WIPF1: variants seen among roughly 807,000 people sequenced by gnomAD.
The protein encoded by WIPF1 is WAS/WASL-interacting protein family member 1.
Under a neutral mutation model 35.4 loss-of-function variants are expected in WIPF1, and 13 were observed. The ratio of observed to expected loss-of-function variants is 0.37; its 90% CI spans 0.24 to 0.58. WIPF1 has a LOEUF of 0.58. Ranked by LOEUF, WIPF1 falls within the 20% of genes least tolerant of loss-of-function variation. The pLI is 0.74. For missense variants in WIPF1, 591 were observed against 667.0 expected, an observed-to-expected ratio of 0.89 and a Z score of 1.25; for synonymous variants, 267 against 266.3, an observed-to-expected ratio of 1.00 and a Z score of -0.02.
intron 1 of WIPF1, among the ~76,000 whole-genome samples, chr2:174,638,887 T>C (rs1687240082): frequency 6.6e-6 from 1 of 152,238 alleles, no homozygotes; most frequent in Non-Finnish European, 1.5e-5. Context: ...TCATATCCTT[T>C]GGATATATGT....
intron 2 of WIPF1, among the ~76,000 whole-genome samples, chr2:174,585,150 G>A (rs1156867447): frequency 8.5e-5 from 13 of 152,118 alleles, no homozygotes; most frequent in Admixed American, 3.9e-4. Flanking sequence ...TTTCTAGACC[G>A]TCCAGCCCAG....
chr2:174,623,886 C>T (rs1001621404), intron 1 of WIPF1, among the ~76,000 whole-genome samples: 1 of 152,054 alleles, frequency 6.6e-6, no homozygotes, highest in Non-Finnish European at 1.5e-5. Flanking sequence ...CAGAAAAAAC[C>T]CCTGTGTTAA....
chr2:174,567,034 G>C (rs1043656127), intron 7 of WIPF1, 36 bp downstream of exon 7: 2 of 1,597,118 alleles, frequency 1.3e-6, no homozygotes, highest in South Asian at 2.2e-5. Context: ...GGCTACTCAA[G>C]CGTGAATCTT....
intron 2 of WIPF1, among the ~76,000 whole-genome samples, chr2:174,581,970 T>C (rs1326624377): frequency 6.6e-6 from 1 of 152,226 alleles, no homozygotes; most frequent in Non-Finnish European, 1.5e-5. Context: ...GCTTTTTTTC[T>C]CTTTTTAAGT....
At chr2:174,624,605 T>C (rs1686773527) in intron 1 of WIPF1, among the ~76,000 whole-genome samples, 1 of 152,206 alleles carries the variant, frequency 6.6e-6, no homozygotes, top group Admixed American at 6.5e-5. Flanking sequence ...ATTCAAAATA[T>C]TTAACAACCA....
chr2:174,593,281 C>CA (rs1685684129), intron 1 of WIPF1, among the ~76,000 whole-genome samples: 1 of 151,820 alleles, frequency 6.6e-6, no homozygotes, highest in Admixed American at 6.6e-5. Context: ...AATTGTTTGA[C>CA]AAAAAAATAT....
chr2:174,662,855 G>C (rs945648614), intron 1 of WIPF1, among the ~76,000 whole-genome samples: 1 of 152,194 alleles, frequency 6.6e-6, no homozygotes, highest in Non-Finnish European at 1.5e-5. Context: ...GGAATATCCT[G>C]GGTCTATATG....
chr2:174,682,810 C>T (rs1267536995), exon 1 of WIPF1: 2 of 151,646 alleles, frequency 1.3e-5, no homozygotes, highest in Non-Finnish European at 1.5e-5. Flanking sequence ...AGCCCCGCGC[C>T]GCGCTGGGCA....
chr2:174,666,905 G>T (rs1433830895), intron 1 of WIPF1, among the ~76,000 whole-genome samples: 2 of 152,194 alleles, frequency 1.3e-5, no homozygotes, highest in Non-Finnish European at 2.9e-5. Context: ...TTCTAGAAGG[G>T]TCCAGGCTCA....
chr2:174,567,769 G>T, intron 6 of WIPF1, 92 bp downstream of exon 6: 1 of 1,381,244 alleles, frequency 7.2e-7, no homozygotes, highest in South Asian at 1.4e-5. Flanking sequence ...GATGGAACAA[G>T]AAATTAAACG....
chr2:174,666,623 C>A (rs1234584279), intron 1 of WIPF1, among the ~76,000 whole-genome samples: 2 of 152,234 alleles, frequency 1.3e-5, no homozygotes, highest in Non-Finnish European at 2.9e-5. Context: ...CAGTGCCTGG[C>A]CTACCTGCCA....
At chr2:174,661,543 C>T (rs1421627373) in intron 1 of WIPF1, among the ~76,000 whole-genome samples, 1 of 152,190 alleles carries the variant, frequency 6.6e-6, no homozygotes, top group African/African-American at 2.4e-5. Context: ...TCTAGAAGCA[C>T]TGCCCTCCCT....
intron 1 of WIPF1, among the ~76,000 whole-genome samples, chr2:174,648,036 C>T (rs1363906358): frequency 6.6e-6 from 1 of 152,184 alleles, no homozygotes; most frequent in East Asian, 1.9e-4. Flanking sequence ...AACATCAAAT[C>T]CAACCGTGTG....
chr2:174,670,864 G>C (rs1203090740), intron 1 of WIPF1, among the ~76,000 whole-genome samples: 1 of 146,000 alleles, frequency 6.8e-6, no homozygotes, highest in Non-Finnish European at 1.5e-5. Flanking sequence ...ACAGTCACCT[G>C]GTTAGGCATA....
At chr2:174,572,596 G>C in intron 4 of WIPF1, 150 bp from the exon 5 acceptor site, 2 of 1,128,104 alleles carry the variant, frequency 1.8e-6, no homozygotes, top group Non-Finnish European at 2.4e-6. Flanking sequence ...GGTTTTGTTG[G>C]TCCTTCTTGG....
At position 174,568,079 on chromosome 2, in the gene WIPF1, G is replaced by A. The variant is rs371524394; in HGVS notation, c.1130-6C>T. ...AGGAGGTGGTGGGAGGGGGCCTGGA[G>A]CAAAAAAAGACACTTAGTGCAGAAC... On this transcript the variant is annotated splice_region_variant and splice_polypyrimidine_tract_variant and intron_variant, in intron 5 of 7. Coordinates refer to ENST00000679041, the MANE Select transcript of WIPF1 (RefSeq NM_001375834.1). The A allele has an allele frequency of 3.1e-6, 5 of 1,607,222 alleles. No homozygotes were observed. Among genetic ancestry groups the A allele is most frequent in the Admixed American group, 1.7e-5 (1 of 59,010 alleles).
chr2:174,624,002 C>G (rs1686750572), intron 1 of WIPF1, among the ~76,000 whole-genome samples: 1 of 151,916 alleles, frequency 6.6e-6, no homozygotes, highest in Non-Finnish European at 1.5e-5. Flanking sequence ...TGGGCATTTA[C>G]TGTGTTTGTG....
At chr2:174,681,587 C>G (rs1688245818) in intron 1 of WIPF1, among the ~76,000 whole-genome samples, 1 of 152,162 alleles carries the variant, frequency 6.6e-6, no homozygotes, top group East Asian at 1.9e-4. Context: ...CTTTGGGAAG[C>G]TGGCAAAAGA....
chr2:174,617,884 A>G (rs1228719204), intron 1 of WIPF1, among the ~76,000 whole-genome samples: 1 of 152,238 alleles, frequency 6.6e-6, no homozygotes. Flanking sequence ...CCTGATGCAG[A>G]GGTGGAAAGG....
Sources: gnomAD v4.1 joint callset for allele counts (sites outside exome capture counted in the v4.1 genomes callset) on GRCh38, gnomAD v4.1.1 for gene constraint, MANE v1.5 for transcripts, NCBI Gene and HGNC (gene_info 2026-07-23, HGNC 2026-07-21) for gene names.